Variants in SRSF11 observed in about 807,000 individuals in gnomAD.
SRSF11 encodes the protein serine and arginine rich splicing factor 11.
Under a neutral mutation model 56.0 loss-of-function variants are expected in SRSF11, and 9 were observed. That is an observed-to-expected ratio of 0.16 (90% CI 0.10 to 0.28). The LOEUF (loss-of-function observed/expected upper bound fraction) is 0.28. Among genes scored for constraint, SRSF11 ranks in the 10% least tolerant of loss-of-function variants. The pLI is 1.00. For synonymous variants in SRSF11, 222 were observed against 215.3 expected (o/e 1.03, Z -0.27); for missense variants, 421 against 600.7 (o/e 0.70, Z 3.13).
chr1:70,228,305 T>TCAAA, intron 1 of SRSF11, 117 bp from the exon 2 acceptor site: 1 of 665,250 alleles, frequency 1.5e-6, no homozygotes, highest in Non-Finnish European at 2.5e-6. Flanking sequence ...TTAACTACAT[T>TCAAA]AGTATACAGT....
upstream of SRSF11, chr1:70,221,234 G>T: frequency 5.3e-6 from 1 of 187,786 alleles, no homozygotes; most frequent in Non-Finnish European, 1.1e-5. Context: ...AGAATAAAAC[G>T]AGAGACGAAG....
chr1:70,205,748 G>A (rs1668944691), exon 1 of SRSF11: 2 of 477,472 alleles, frequency 4.2e-6, no homozygotes, highest in East Asian at 3.0e-5. Context: ...CGTTGCCGGT[G>A]CCGGCCTAGC....
chr1:70,221,808 A>C lies in SRSF11; in HGVS notation c.172A>C (p.Lys58Gln), dbSNP rs765184431. Residue 58 changes from lysine (K) to glutamine (Q), a missense_variant, in exon 1 of 12, where the codon AAG becomes CAG. Lys to Gln is a moderately conservative substitution (Grantham distance 53). Around this residue, in one of 2 missense-constraint regions of SRSF11, gnomAD observed 168 missense variants for 294.9 expected, o/e 0.57. Transcript: ENST00000370949. ...QMRTLFGFLG[K>Q]IDELRLFPPD... ...GCGGACTCTCTTCGGTTTCCTAGGC[A>C]AGATCGACGAACTGCGCCTCTTCCC... 8.7e-6 allele frequency: 14 copies of C among 1,613,962 alleles called. No homozygotes were observed. In the Admixed American group the frequency reaches 1.2e-4, roughly 13 times the overall value.
At chr1:70,214,409 T>A (rs1015480534) in intron 1 of SRSF11, among the ~76,000 whole-genome samples, 1 of 152,208 alleles carries the variant, frequency 6.6e-6, no homozygotes, top group African/African-American at 2.4e-5. Context: ...GCACTATAGC[T>A]GAGAATACTG....
intron 1 of SRSF11, among the ~76,000 whole-genome samples, chr1:70,210,894 A>G (rs1669505939): frequency 6.6e-6 from 1 of 152,072 alleles, no homozygotes; most frequent in Middle Eastern, 3.2e-3. Flanking sequence ...AATGCTTTTA[A>G]TTTGGGGGTT....
intron 9 of SRSF11, 130 bp from the exon 10 acceptor site, chr1:70,249,822 A>G: frequency 1.1e-6 from 1 of 922,630 alleles, no homozygotes; most frequent in East Asian, 2.6e-5. Context: ...AGCCTGCCAA[A>G]GTGCTGGGAT....
chr1:70,237,008 C>A (rs994897366), intron 5 of SRSF11, among the ~76,000 whole-genome samples: 1 of 151,792 alleles, frequency 6.6e-6, no homozygotes, highest in Non-Finnish European at 1.5e-5. Context: ...AGTATGATCT[C>A]GATCTCCTGA....
intron 2 of SRSF11, chr1:70,231,003 T>G: frequency 7.8e-7 from 1 of 1,281,024 alleles, no homozygotes; most frequent in Non-Finnish European, 1.0e-6. Flanking sequence ...AGTATACATT[T>G]GTTTATATTA....
At chr1:70,240,315 T>C (rs1675054072) in intron 7 of SRSF11, among the ~76,000 whole-genome samples, 1 of 152,216 alleles carries the variant, frequency 6.6e-6, no homozygotes, top group Admixed American at 6.5e-5. Flanking sequence ...TTTTTTTCTT[T>C]TACTGCAAGT....
chr1:70,251,107 T>C lies in SRSF11; in HGVS notation c.*302T>C, dbSNP rs1286326224. The C allele has an allele frequency of 3.5e-6, 1 of 283,910 alleles. No individual in the cohort carries two copies. Among genetic ancestry groups the C allele is most frequent in the Admixed American group, 4.7e-5 (1 of 21,380 alleles). 17.6% of individuals were successfully genotyped at this position (283,910 alleles called of 1,614,324 possible). On this transcript the variant is annotated 3_prime_UTR_variant, in exon 12 of 12. Transcript: ENST00000370949. ...GCATCTACAGCAGGCATGGATTGTTTATGTCGTATGATATCCTTTATTAAG... is the reference window on the plus strand; with the variant it reads ...GCATCTACAGCAGGCATGGATTGTTCATGTCGTATGATATCCTTTATTAAG...
At position 70,235,486 on chromosome 1, in the gene SRSF11, G is replaced by T. The variant is rs1673773967; in HGVS notation, c.541-15G>T. 6.9e-6 allele frequency: 11 copies of T among 1,598,674 alleles called. No individual in the cohort carries two copies. The highest frequency in any genetic ancestry group is 7.7e-6 in the Non-Finnish European group (9 of 1,171,936). On this transcript the variant is annotated splice_polypyrimidine_tract_variant and intron_variant, in intron 4 of 11. Coordinates refer to ENST00000370949, the MANE Select transcript of SRSF11 (RefSeq NM_001350605.2). ...TTTTATGTATTCTCATTATTCTTAT[G>T]TTTTATTTTTACAGTCTCTTGCTGC...
chr1:70,242,283 T>C (rs936977978), intron 7 of SRSF11, among the ~76,000 whole-genome samples: 1 of 152,006 alleles, frequency 6.6e-6, no homozygotes, highest in Non-Finnish European at 1.5e-5. Context: ...AAGTGAAATA[T>C]GTCCCTGAAT....
At chr1:70,206,634 C>G (rs1246259405) in intron 1 of SRSF11, among the ~76,000 whole-genome samples, 6 of 152,032 alleles carry the variant, frequency 3.9e-5, no homozygotes. Context: ...AAAGCATATG[C>G]CAGGGAATAC....
intron 1 of SRSF11, chr1:70,222,790 A>C (rs1000725369): frequency 6.6e-6 from 1 of 152,222 alleles, no homozygotes; most frequent in African/African-American, 2.4e-5. Flanking sequence ...CTAAGAATCT[A>C]CTGTTATGGT....
In SRSF11 at chr1:70,249,947, T is replaced by C. The variant is rs1558235496; in HGVS notation, c.1023-5T>C. ...AAAACCTAGTTTGCACATTTGTGAT[T>C]CTAGAGAGAGACGACGACGAAGAAG... On this transcript the variant is annotated splice_polypyrimidine_tract_variant and splice_region_variant and intron_variant, in intron 9 of 11. Transcript: ENST00000370949. 6.2e-7 allele frequency: 1 copy of C among 1,614,024 alleles called. No individual in the cohort carries two copies. The highest frequency in any genetic ancestry group is 1.7e-5 in the Admixed American group (1 of 60,008).
intron 2 of SRSF11, chr1:70,229,164 A>T (rs1672417945): frequency 7.8e-7 from 1 of 1,280,560 alleles, no homozygotes; most frequent in Admixed American, 2.4e-5. Flanking sequence ...AATATCTCTA[A>T]ATAATAAATT....
In SRSF11 at chr1:70,232,260, C is replaced by G; in HGVS notation, c.338-8C>G. 6.2e-7 allele frequency: 1 copy of G among 1,614,144 alleles called. No individual in the cohort carries two copies. On this transcript the variant is annotated splice_region_variant and splice_polypyrimidine_tract_variant and intron_variant, in intron 2 of 11. Coordinates refer to ENST00000370949, the MANE Select transcript of SRSF11 (RefSeq NM_001350605.2). ...AATGTGTTCTAATGCAAGGATGTTT[C>G]TCTGCAGGAGTTATTCCTGATGAAG...
chr1:70,209,073 G>C (rs969150288), intron 1 of SRSF11, among the ~76,000 whole-genome samples: 1 of 152,120 alleles, frequency 6.6e-6, no homozygotes, highest in African/African-American at 2.4e-5. Context: ...AAGCTTCTTT[G>C]CTAAATGAGA....
intron 9 of SRSF11, chr1:70,248,484 A>AT (rs1558231923): frequency 6.6e-6 from 1 of 152,102 alleles, no homozygotes; most frequent in Non-Finnish European, 1.5e-5. Context: ...AGTGATAACT[A>AT]AAGGGTAGGG....
Sources: gnomAD v4.1 joint callset for allele counts (sites outside exome capture counted in the v4.1 genomes callset) on GRCh38, gnomAD v4.1.1 for gene constraint, gnomAD v4.1.1 regional missense constraint, MANE v1.5 for transcripts, NCBI Gene and HGNC (gene_info 2026-07-23, HGNC 2026-07-21) for gene names.